Variants in HSF2BP observed in about 807,000 individuals in gnomAD.
The protein encoded by HSF2BP is heat shock transcription factor 2 binding protein.
In HSF2BP, 35 loss-of-function variants were observed where a neutral mutation model predicts 35.0. That is an observed-to-expected ratio of 1.00 (90% CI 0.76 to 1.32). The LOEUF (loss-of-function observed/expected upper bound fraction) is 1.32. HSF2BP is among the 40% of genes most tolerant of loss of function. The probability of loss-of-function intolerance (pLI) is 0.00; values close to 1 mark genes in which losing one functional copy is unlikely to be tolerated. For missense variants in HSF2BP, 326 were observed against 321.7 expected (o/e 1.01, Z -0.10); for synonymous variants, 114 against 117.4 (o/e 0.97, Z 0.18).
chr21:43,637,746 A>G (rs2082583341), intron 4 of HSF2BP, among the ~76,000 whole-genome samples: 1 of 151,754 alleles, frequency 6.6e-6, no homozygotes, highest in African/African-American at 2.4e-5. Context: ...TCAAGGCTGC[A>G]GTGAGCTTTG....
At chr21:43,587,660 T>C (rs1381473278) in intron 8 of HSF2BP, among the ~76,000 whole-genome samples, 5 of 104,898 alleles carry the variant, frequency 4.8e-5, no homozygotes, top group Non-Finnish European at 9.2e-5. Flanking sequence ...AGCGAAATTC[T>C]GTCTCAAAAA....
rs192209446 is a variant in HSF2BP, at chr21:43,607,512, C to T, written c.692+6318G>A. ...GAAGAATCAATATCATGAAAATGTC[C>T]AAACTGCCCAAAGCAATCTACAGAT... On this transcript the variant is annotated intron_variant, in intron 7 of 8. Coordinates refer to ENST00000291560, the MANE Select transcript of HSF2BP (RefSeq NM_007031.2). 9.2e-5 allele frequency among the ~76,000 whole-genome samples: 14 copies of T among 152,214 alleles called. No homozygotes were observed. The East Asian group carries it at 2.7e-3, about 29-fold the overall frequency.
rs2081989500 is a variant in HSF2BP, at chr21:43,596,551, G to A, written c.693-4223C>T. ...TTAAGGGGAATGGAAAGCAGCCAAA[G>A]GCAGGCAGAAACTGAAGAGAAGTGC... On this transcript the variant is annotated intron_variant, in intron 7 of 8. Coordinates refer to ENST00000291560, the MANE Select transcript of HSF2BP (RefSeq NM_007031.2). 2.0e-5 allele frequency among the ~76,000 whole-genome samples: 3 copies of A among 152,122 alleles called. No homozygotes were observed. In the South Asian group the frequency reaches 6.2e-4, roughly 32 times the overall value.
At chr21:43,609,922 C>T (rs147141582) in intron 7 of HSF2BP, 1 of 152,490 alleles carries the variant, frequency 6.6e-6, no homozygotes, top group East Asian at 1.9e-4. Context: ...CTGCAATCAA[C>T]AAGAGCTCAC....
chr21:43,604,418 CCCACACA>C (rs2082093665), intron 7 of HSF2BP, among the ~76,000 whole-genome samples: 2 of 134,488 alleles, frequency 1.5e-5, no homozygotes, highest in Non-Finnish European at 3.1e-5. Flanking sequence ...CCATACACAC[CCCACACA>C]CCACACCACA....
chr21:43,640,918 C>G (rs138228192), intron 4 of HSF2BP, among the ~76,000 whole-genome samples: 22 of 152,226 alleles, frequency 1.4e-4, no homozygotes, highest in African/African-American at 5.1e-4. Flanking sequence ...AAACAATAAT[C>G]AAACCCTGAT....
At chr21:43,641,580 T>G (rs757029480) in intron 4 of HSF2BP, among the ~76,000 whole-genome samples, 15 of 152,168 alleles carry the variant, frequency 9.9e-5, no homozygotes, top group Non-Finnish European at 2.2e-4. Flanking sequence ...TTCCATACTT[T>G]GTTTCTGACC....
intron 8 of HSF2BP, among the ~76,000 whole-genome samples, chr21:43,583,546 T>C (rs1468090904): frequency 3.9e-5 from 4 of 102,864 alleles, no homozygotes; most frequent in African/African-American, 1.6e-4. Context: ...CTGAGGGAGA[T>C]GAGGACCTGC....
intron 3 of HSF2BP, among the ~76,000 whole-genome samples, chr21:43,651,890 T>C (rs576845688): frequency 5.9e-5 from 9 of 152,358 alleles, no homozygotes; most frequent in African/African-American, 2.2e-4. Context: ...GCCATTTACC[T>C]TGCCCAGTCC....
At chr21:43,617,120 G>A (rs2082281362) in intron 6 of HSF2BP, among the ~76,000 whole-genome samples, 1 of 151,998 alleles carries the variant, frequency 6.6e-6, no homozygotes, top group African/African-American at 2.4e-5. Context: ...TCCCTGCCAA[G>A]CCTGACCAAA....
chr21:43,658,028 CA>C (rs1161841293), intron 2 of HSF2BP, 32 bp downstream of exon 2: 4 of 1,535,482 alleles, frequency 2.6e-6, no homozygotes, highest in African/African-American at 1.4e-5. Context: ...ACGGTTCAAA[CA>C]CGCTGGCGTC....
intron 3 of HSF2BP, among the ~76,000 whole-genome samples, chr21:43,654,303 C>T (rs551455931): frequency 6.6e-6 from 1 of 152,336 alleles, no homozygotes; most frequent in Non-Finnish European, 1.5e-5. Flanking sequence ...CACTGTGACA[C>T]AGAAAAGAAC....
chr21:43,609,066 A>T (rs1601661048), intron 7 of HSF2BP, among the ~76,000 whole-genome samples: 1 of 152,378 alleles, frequency 6.6e-6, no homozygotes, highest in East Asian at 1.9e-4. Flanking sequence ...TGTGGTACAT[A>T]CAAGCCATGG....
chr21:43,591,891 G>A (rs1358859418), intron 8 of HSF2BP, among the ~76,000 whole-genome samples: 1 of 152,118 alleles, frequency 6.6e-6, no homozygotes, highest in Non-Finnish European at 1.5e-5. Flanking sequence ...TAGCTATCTA[G>A]GTCATCAGGT....
At position 43,657,952 on chromosome 21, in the gene HSF2BP, C is replaced by T; in HGVS notation, c.36+109G>A. The T allele has an allele frequency of 2.0e-6, 3 of 1,516,096 alleles. No homozygotes were observed. In the South Asian group the frequency reaches 3.7e-5, roughly 19 times the overall value. The allele number at this position is 1,516,096 out of a possible 1,614,324, so 93.9% of individuals were successfully genotyped here. ...TAGGGGAGGAAGTCTCCAGGCTTCC[C>T]CCAAGCACGCGACAGCGAGCCGTCT... On this transcript the variant is annotated intron_variant, in intron 2 of 8. Transcript: ENST00000291560.
At chr21:43,657,282 C>T (rs1043798667) in intron 2 of HSF2BP, among the ~76,000 whole-genome samples, 1 of 152,222 alleles carries the variant, frequency 6.6e-6, no homozygotes, top group Admixed American at 6.5e-5. Context: ...AAGGCTTGAG[C>T]TCAGGAGTTG....
the HSF2BP span, among the ~76,000 whole-genome samples, chr21:43,467,917 A>ACACACAC: frequency 1.1e-5 from 1 of 88,892 alleles, no homozygotes; most frequent in Non-Finnish European, 2.2e-5. Flanking sequence ...ACCACACACC[A>ACACACAC]CACACACCAC....
At position 43,659,470 on chromosome 21, in the gene HSF2BP, C is replaced by T. The variant is rs575871093; in HGVS notation, c.-309G>A. The T allele has an allele frequency of 5.4e-5, 22 of 406,958 alleles. No individual in the cohort carries two copies. Among genetic ancestry groups the T allele is most frequent in the African/African-American group, 4.5e-4 (21 of 46,952 alleles). 25.2% of individuals were successfully genotyped at this position (406,958 alleles called of 1,614,324 possible). On this transcript the variant is annotated 5_prime_UTR_variant, in exon 1 of 9. Coordinates refer to ENST00000291560, the MANE Select transcript of HSF2BP (RefSeq NM_007031.2). This position sits in a 1 kb window ranked among gnomAD's most constrained non-coding sequence, Gnocchi z 4.2. The stretch of plus-strand genomic sequence containing the variant: ...CGGGCTGGGCCGCTCCGCCAGCTGC[C>T]AGGGCCACTGCCGCGCTCACTCCCA...
chr21:43,505,332 G>C, the HSF2BP span, among the ~76,000 whole-genome samples: 1 of 101,190 alleles, frequency 9.9e-6, no homozygotes, highest in Non-Finnish European at 2.1e-5. Flanking sequence ...GTATGGGACG[G>C]AGTCACACAG....
Sources: gnomAD v4.1 joint callset for allele counts (sites outside exome capture counted in the v4.1 genomes callset) on GRCh38, gnomAD v4.1.1 for gene constraint, Gnocchi (gnomAD v3.1) non-coding constraint, MANE v1.5 for transcripts, NCBI Gene and HGNC (gene_info 2026-07-23, HGNC 2026-07-21) for gene names.